The following DENND2B variants were observed in gnomAD, a reference collection of about 807,000 sequenced individuals.
DENND2B encodes DENN domain-containing protein 2B.
In DENND2B, 32 loss-of-function variants were observed where a neutral mutation model predicts 116.0. That is an observed-to-expected ratio of 0.28 (90% confidence interval 0.21 to 0.37). DENND2B has a LOEUF of 0.37. Among genes scored for constraint, DENND2B ranks in the 10% least tolerant of loss-of-function variants. The pLI is 1.00. For synonymous variants in DENND2B, 588 were observed against 583.9 expected (o/e 1.01, Z -0.10); for missense variants, 1,276 against 1,477.7 (o/e 0.86, Z 2.24).
At chr11:8,741,548 T>G (rs1002736109) in intron 2 of DENND2B, among the ~76,000 whole-genome samples, 10 of 152,146 alleles carry the variant, frequency 6.6e-5, no homozygotes, top group Admixed American at 2.6e-4. Context: ...ATGGCACTTG[T>G]GGTAGTTTTA....
chr11:8,748,684 A>G (rs2051762193), intron 2 of DENND2B, among the ~76,000 whole-genome samples: 1 of 150,760 alleles, frequency 6.6e-6, no homozygotes, highest in African/African-American at 2.5e-5. Context: ...CTTAGAAGGG[A>G]GGCAGGAAAG....
intron 1 of DENND2B, chr11:8,757,216 A>G: frequency 2.5e-6 from 1 of 400,510 alleles, no homozygotes; most frequent in Non-Finnish European, 4.9e-6. Context: ...AACAGCCATA[A>G]TAGCAATATG....
chr11:8,836,413 C>CT (rs67181023), intron 4 of DENND2B, among the ~76,000 whole-genome samples: 8,809 of 77,492 alleles, frequency 0.11, 762 homozygotes, highest in South Asian at 0.25. Context: ...TTCTGTACTT[C>CT]TTTTTTTTTT....
chr11:8,816,588 T>C (rs2061576520), intron 4 of DENND2B, among the ~76,000 whole-genome samples: 1 of 151,642 alleles, frequency 6.6e-6, no homozygotes, highest in Non-Finnish European at 1.5e-5. Flanking sequence ...TCAAACATAT[T>C]CCTCTCCACC....
chr11:8,748,561 G>A (rs908804573), intron 2 of DENND2B, among the ~76,000 whole-genome samples: 2 of 151,590 alleles, frequency 1.3e-5, no homozygotes, highest in Non-Finnish European at 2.9e-5. Context: ...TGAGAGAAGG[G>A]TGTCACTAGC....
chr11:8,774,932 G>A (rs1163449909), intron 1 of DENND2B, among the ~76,000 whole-genome samples: 3 of 151,238 alleles, frequency 2.0e-5, no homozygotes, highest in African/African-American at 4.9e-5. Context: ...CTAGGCTGCA[G>A]TGCAATGGCG....
intron 11 of DENND2B, among the ~76,000 whole-genome samples, chr11:8,709,532 G>A (rs2043223962): frequency 6.6e-6 from 1 of 152,182 alleles, no homozygotes; most frequent in African/African-American, 2.4e-5. Context: ...CCAGAGGCAT[G>A]CTGGCCTCTG....
At chr11:8,742,849 G>C (rs1463518940) in intron 2 of DENND2B, among the ~76,000 whole-genome samples, 3 of 152,238 alleles carry the variant, frequency 2.0e-5, no homozygotes, top group Non-Finnish European at 2.9e-5. Flanking sequence ...CGGATCACCT[G>C]AGGTCAGGAG....
intron 3 of DENND2B, among the ~76,000 whole-genome samples, chr11:8,840,246 A>G (rs1346727113): frequency 6.6e-6 from 1 of 152,168 alleles, no homozygotes; most frequent in Non-Finnish European, 1.5e-5. Context: ...TGGACAAAAG[A>G]GAGGGGACTT....
intron 6 of DENND2B, among the ~76,000 whole-genome samples, chr11:8,714,934 A>G (rs921682299): frequency 2.6e-5 from 4 of 152,170 alleles, no homozygotes; most frequent in African/African-American, 7.2e-5. Context: ...TCCTGCCCCA[A>G]GACAAGGACA....
At chr11:8,846,192 C>T (rs1468543783) in intron 3 of DENND2B, among the ~76,000 whole-genome samples, 1 of 152,148 alleles carries the variant, frequency 6.6e-6, no homozygotes, top group African/African-American at 2.4e-5. Context: ...CATGGAATTG[C>T]AACCTGGAAG....
intron 4 of DENND2B, among the ~76,000 whole-genome samples, chr11:8,838,845 A>T (rs937915499): frequency 2.0e-5 from 3 of 152,214 alleles, no homozygotes; most frequent in Non-Finnish European, 4.4e-5. Context: ...TAAAGGACAC[A>T]AAAAGTGCTC....
intron 1 of DENND2B, among the ~76,000 whole-genome samples, chr11:8,888,396 C>G (rs759138165): frequency 3.9e-5 from 6 of 152,172 alleles, no homozygotes; most frequent in African/African-American, 1.4e-4. Flanking sequence ...GAACTTGGAC[C>G]CTTACCTAAC....
intron 1 of DENND2B, among the ~76,000 whole-genome samples, chr11:8,905,571 T>C (rs938937873): frequency 2.0e-5 from 3 of 152,170 alleles, no homozygotes; most frequent in Non-Finnish European, 4.4e-5. Context: ...ATCAAAACTT[T>C]AAATGTTAGT....
chr11:8,737,323 T>C (rs988087725), intron 2 of DENND2B, among the ~76,000 whole-genome samples: 9 of 152,124 alleles, frequency 5.9e-5, no homozygotes, highest in Admixed American at 2.0e-4. Flanking sequence ...AGGAGACCGA[T>C]TGAGAAGAGG....
rs1385539184 is a variant in DENND2B at position 8,794,003 on chromosome 11, A to AT, written c.-26+16513_-26+16514insA. Among the ~76,000 whole-genome samples the AT allele has an allele frequency of 8.5e-5, 13 of 152,286 alleles. No homozygotes were observed. In the South Asian group the frequency reaches 1.2e-3, roughly 15 times the overall value. ...ATAAATAAAAAATATAAATAAATAA[A>AT]AAACCCAGTGCTACCCAACTGTTAA... On this transcript the variant is annotated intron_variant, in intron 1 of 19. Transcript: ENST00000313726.
chr11:8,730,779 A>G lies in DENND2B; in HGVS notation c.511T>C (p.Trp171Arg). ...GGCGACGCCTCTCGGCGACCTTCCCATGCTGATATCTTCTCCCGGATGCCC... is the reference window on the plus strand; with the variant it reads ...GGCGACGCCTCTCGGCGACCTTCCCGTGCTGATATCTTCTCCCGGATGCCC... ...SLGIREKISA[W>R]EGRREASPRM... The change falls in exon 3 of 20, where the codon TGG becomes CGG. Residue 171 changes from tryptophan to arginine, a missense_variant. Trp to Arg is a moderately radical substitution (Grantham distance 101). Transcript: ENST00000313726. This position sits in a 1 kb window ranked among gnomAD's most constrained non-coding sequence, Gnocchi z 4.1. 6.2e-7 allele frequency: 1 copy of G among 1,612,852 alleles called. No individual in the cohort carries two copies. Among genetic ancestry groups the G allele is most frequent in the South Asian group, 1.1e-5 (1 of 91,078 alleles).
intron 1 of DENND2B, among the ~76,000 whole-genome samples, chr11:8,893,573 C>T (rs2064060286): frequency 6.6e-6 from 1 of 152,124 alleles, no homozygotes; most frequent in Non-Finnish European, 1.5e-5. Context: ...AATCAATGTG[C>T]AAAAATCACA....
intron 1 of DENND2B, among the ~76,000 whole-genome samples, chr11:8,798,306 G>A (rs572118726): frequency 9.2e-5 from 14 of 152,302 alleles, no homozygotes; most frequent in African/African-American, 3.1e-4. Context: ...TTCAGTTTCC[G>A]AAGCAAGAGA....
Sources: allele counts gnomAD v4.1 joint callset (sites outside exome capture counted in the v4.1 genomes callset), GRCh38; gene constraint gnomAD v4.1.1; non-coding constraint Gnocchi (gnomAD v3.1); transcripts MANE v1.5; gene names NCBI Gene and HGNC (gene_info 2026-07-23, HGNC 2026-07-21).